RANBP2: variants seen among roughly 807,000 people sequenced by gnomAD.
The protein encoded by RANBP2 is RAN binding protein 2.
A neutral mutation model predicts 303.6 loss-of-function variants in RANBP2; 57 were observed. That is an observed-to-expected ratio of 0.19 (90% confidence interval 0.15 to 0.23). The LOEUF (loss-of-function observed/expected upper bound fraction) is 0.23, where lower values mean the gene tolerates loss of function less well. Ranked by LOEUF, RANBP2 falls within the 10% of genes least tolerant of loss-of-function variation. The pLI, the probability that RANBP2 is intolerant of heterozygous loss-of-function variation, is 1.00. For missense variants in RANBP2, 3,138 were observed against 3,780.8 expected, an observed-to-expected ratio of 0.83 and a Z score of 4.46; for synonymous variants, 1,167 against 1,301.5, an observed-to-expected ratio of 0.90 and a Z score of 2.23.
downstream of RANBP2, chr2:108,786,622 T>G: frequency 1.7e-6 from 1 of 605,164 alleles, no homozygotes. Flanking sequence ...TTACGAGGTG[T>G]GTAGTGCTAG....
chr2:108,731,323 G>A lies in RANBP2; in HGVS notation c.254G>A (p.Arg85His), dbSNP rs372617079. 22 of 1,610,724 alleles carry A rather than the reference G, an allele frequency of 1.4e-5. No individual in the cohort carries two copies. Among genetic ancestry groups the A allele is most frequent in the African/African-American group, 1.2e-4 (9 of 74,732 alleles). ...NTDKAVECYR[R>H]SVELNPTQKD... The stretch of plus-strand genomic sequence containing the variant: ...CTTTAATTTCTTTTCTGATATTAGC[G>A]TTCAGTGGAATTAAACCCAACACAA... The change falls in exon 4 of 29, where the codon CGT (arginine) becomes CAT (histidine). Residue 85 changes from arginine (R) to histidine (H), a missense_variant and splice_region_variant. Arg to His is a conservative substitution (Grantham distance 29, BLOSUM62 0). Transcript: ENST00000283195.
At position 108,767,585 on chromosome 2, in the gene RANBP2, G is replaced by A. The variant is rs1177969030; in HGVS notation, c.7046G>A (p.Trp2349Ter). ...AGATATGATAAAGATGTTGGTCAAT[G>A]GAAAGAAAGGGGCATTGGTGATATA... The part of the protein sequence containing the change: ...LYRYDKDVGQ[W>*]KERGIGDIKI... The change falls in exon 20 of 29, where the codon TGG (tryptophan) becomes TAG (stop). Residue 2349 changes from tryptophan (W) to a stop codon, truncating the protein, a stop_gained. Coordinates refer to ENST00000283195, the MANE Select transcript of RANBP2 (RefSeq NM_006267.5). LOFTEE classifies it high-confidence loss of function. 6.2e-7 allele frequency: 1 copy of A among 1,611,804 alleles called. No homozygotes were observed. The highest frequency in any genetic ancestry group is 1.3e-5 in the African/African-American group (1 of 74,800).
the RANBP2 span, among the ~76,000 whole-genome samples, chr2:109,103,369 C>A: frequency 8.5e-5 from 13 of 152,176 alleles, no homozygotes; most frequent in Admixed American, 3.3e-4. Flanking sequence ...TTGATTGATG[C>A]CTTATGTCTC....
chr2:109,508,298 G>A, the RANBP2 span, among the ~76,000 whole-genome samples: 1 of 152,184 alleles, frequency 6.6e-6, no homozygotes, highest in Non-Finnish European at 1.5e-5. Flanking sequence ...CGCCTGAGGT[G>A]TCAGCCCTGC....
At chr2:108,814,781 G>A in the RANBP2 span, among the ~76,000 whole-genome samples, 2 of 150,722 alleles carry the variant, frequency 1.3e-5, no homozygotes, top group African/African-American at 2.4e-5. Flanking sequence ...GATTACAGGC[G>A]CCCACCACCA....
At chr2:109,692,014 C>A in the RANBP2 span, among the ~76,000 whole-genome samples, 1 of 152,078 alleles carries the variant, frequency 6.6e-6, no homozygotes, top group African/African-American at 2.4e-5. Flanking sequence ...GAACTCCCGA[C>A]CTCATGATCC....
chr2:109,103,430 T>A, the RANBP2 span, among the ~76,000 whole-genome samples: 1 of 152,174 alleles, frequency 6.6e-6, no homozygotes, highest in African/African-American at 2.4e-5. Flanking sequence ...AAGACTTCAA[T>A]CAATCCGTGT....
At chr2:109,371,477 A>G in the RANBP2 span, 13 of 818,068 alleles carry the variant, frequency 1.6e-5, no homozygotes, top group Admixed American at 1.2e-4. Context: ...TCTTGAACTC[A>G]TTCCTTGGAA....
the RANBP2 span, among the ~76,000 whole-genome samples, chr2:109,174,441 C>G: frequency 4.6e-5 from 7 of 152,314 alleles, no homozygotes; most frequent in South Asian, 8.3e-4. Flanking sequence ...TGGGTGGGAC[C>G]AGAGTGGTGC....
chr2:109,608,541 G>A, the RANBP2 span, among the ~76,000 whole-genome samples: 2 of 152,138 alleles, frequency 1.3e-5, no homozygotes, highest in African/African-American at 4.8e-5. Context: ...AACTAGTGAG[G>A]AGGGGCTGGG....
chr2:108,819,259 G>A, the RANBP2 span, among the ~76,000 whole-genome samples: 9 of 152,272 alleles, frequency 5.9e-5, no homozygotes, highest in African/African-American at 1.9e-4. Context: ...AAAGTTTGTG[G>A]CATTTTGCAT....
intron 17 of RANBP2, among the ~76,000 whole-genome samples, chr2:108,756,054 GTCTC>G (rs772697839): frequency 2.6e-5 from 4 of 152,000 alleles, no homozygotes; most frequent in Non-Finnish European, 5.9e-5. Flanking sequence ...TACTTTATGT[GTCTC>G]TCTCTTCATC....
the RANBP2 span, chr2:108,907,980 G>A: frequency 6.2e-7 from 1 of 1,611,898 alleles, no homozygotes. Context: ...CGACGCTCCG[G>A]CTCAGCAGCT....
chr2:109,518,744 G>C, the RANBP2 span, among the ~76,000 whole-genome samples: 3 of 151,952 alleles, frequency 2.0e-5, no homozygotes, highest in East Asian at 5.8e-4. Flanking sequence ...CCCAAGACCG[G>C]GTAATTTATA....
chr2:108,772,429 C>T, intron 21 of RANBP2, 60 bp from the exon 22 acceptor site: 1 of 1,392,062 alleles, frequency 7.2e-7, no homozygotes, highest in Non-Finnish European at 1.0e-6. Flanking sequence ...GAGGTAGTCC[C>T]TAAGCAAGGA....
chr2:108,726,098 T>C (rs550327430), intron 1 of RANBP2, among the ~76,000 whole-genome samples: 1 of 152,310 alleles, frequency 6.6e-6, no homozygotes, highest in Admixed American at 6.5e-5. Context: ...TCCAAAAATA[T>C]TGAATGGAAG....
At chr2:108,824,310 A>G in the RANBP2 span, among the ~76,000 whole-genome samples, 1 of 152,200 alleles carries the variant, frequency 6.6e-6, no homozygotes, top group African/African-American at 2.4e-5. Flanking sequence ...ATACAAAAAT[A>G]TGTATATTTT....
At chr2:109,509,616 A>G in the RANBP2 span, among the ~76,000 whole-genome samples, 3 of 152,064 alleles carry the variant, frequency 2.0e-5, no homozygotes, top group Non-Finnish European at 4.4e-5. Context: ...ATAGTGGTCA[A>G]GTCAGGAGTT....
the RANBP2 span, among the ~76,000 whole-genome samples, chr2:109,284,495 CT>C: frequency 4.6e-5 from 7 of 152,180 alleles, no homozygotes; most frequent in African/African-American, 1.7e-4. Flanking sequence ...CATCACTCTC[CT>C]CTCGTCCAGC....
Sources: allele counts gnomAD v4.1 joint callset (sites outside exome capture counted in the v4.1 genomes callset), GRCh38; gene constraint gnomAD v4.1.1; transcripts MANE v1.5; gene names NCBI Gene and HGNC (gene_info 2026-07-23, HGNC 2026-07-21).